MEIOB: variants seen among roughly 807,000 people sequenced by gnomAD.
MEIOB encodes the protein meiosis-specific with OB domain-containing protein.
Under a neutral mutation model 53.1 loss-of-function variants are expected in MEIOB, and 50 were observed. The ratio of observed to expected loss-of-function variants is 0.94; its 90% CI spans 0.75 to 1.19. MEIOB has a LOEUF of 1.19. MEIOB is among the 50% of genes most tolerant of loss of function. MEIOB has a pLI of 0.00. For synonymous variants in MEIOB, 192 were observed against 182.5 expected, an observed-to-expected ratio of 1.05 and a Z score of -0.42; for missense variants, 551 against 550.8, an observed-to-expected ratio of 1.00 and a Z score of 0.00.
chr16:1,858,495 C>T (rs1007910370), intron 5 of MEIOB, among the ~76,000 whole-genome samples: 1 of 152,244 alleles, frequency 6.6e-6, no homozygotes, highest in South Asian at 2.1e-4. Context: ...GCCTCACTTA[C>T]CTACCTCATC....
rs1195402172 is a variant in MEIOB, at chr16:1,862,024, T to C, written c.220A>G (p.Ile74Val). 10 of 1,551,532 alleles carry C rather than the reference T, an allele frequency of 6.4e-6. No homozygotes were observed. In the South Asian group the frequency reaches 7.1e-5, roughly 11 times the overall value. The stretch of plus-strand genomic sequence containing the variant: ...CTAAAGCTGTCAGAAAGAGACTTGA[T>C]GTAATCTTCATTGCCCCAGGAAGCT... ...NAASWGNEDY[I>V]KSLSDSFRVG... Residue 74 changes from isoleucine to valine, a missense_variant, in exon 4 of 14, where the codon ATC (isoleucine) becomes GTC (valine). Transcript: ENST00000325962.
chr16:1,860,428 CTTCTCT>C lies in MEIOB; in HGVS notation c.301_306del (p.Arg101_Glu102del). The C allele has an allele frequency of 6.5e-7, 1 of 1,546,674 alleles. No individual in the cohort carries two copies. Among genetic ancestry groups the C allele is most frequent in the South Asian group, 1.2e-5 (1 of 83,948 alleles). ...CTAGGAGTTGCAGGGCTGAATTTTTCTTCTCTTTCTATTTCCTTTCTTTGGATCAGA... is the reference window on the plus strand; with the variant it reads ...CTAGGAGTTGCAGGGCTGAATTTTTCTTCTATTTCCTTTCTTTGGATCAGA... On this transcript the variant is annotated inframe_deletion, in exon 5 of 14. Coordinates refer to ENST00000325962, the MANE Select transcript of MEIOB (RefSeq NM_001163560.3).
At chr16:1,842,263 A>G (rs1162023275) in intron 10 of MEIOB, among the ~76,000 whole-genome samples, 1 of 152,042 alleles carries the variant, frequency 6.6e-6, no homozygotes, top group Non-Finnish European at 1.5e-5. Context: ...GCAGTCTACA[A>G]TGAGATAAAG....
At chr16:1,859,445 G>A (rs978390774) in intron 5 of MEIOB, among the ~76,000 whole-genome samples, 1 of 152,170 alleles carries the variant, frequency 6.6e-6, no homozygotes, top group African/African-American at 2.4e-5. Flanking sequence ...GGAGGCTGAG[G>A]TGGGAGAATG....
intron 9 of MEIOB, among the ~76,000 whole-genome samples, chr16:1,850,609 T>A (rs1360951625): frequency 4.0e-5 from 6 of 148,306 alleles, no homozygotes; most frequent in Non-Finnish European, 6.0e-5. Context: ...TTTTTATTAA[T>A]AAGTTATTTC....
chr16:1,856,541 G>A (rs1178946495), intron 6 of MEIOB, among the ~76,000 whole-genome samples: 28 of 152,126 alleles, frequency 1.8e-4, no homozygotes, highest in Admixed American at 1.8e-3. Context: ...GGATGGTCTC[G>A]ATCTCCTGAC....
chr16:1,834,340 A>G lies in MEIOB; in HGVS notation c.1332T>C (p.Ser444=), dbSNP rs770471538. Residue 444 remains serine (S), a synonymous_variant, in exon 14 of 14, where the codon AGT becomes AGC. Coordinates refer to ENST00000325962, the MANE Select transcript of MEIOB (RefSeq NM_001163560.3). ...LKFVLSHRAR[S]GLKISVLSCK... Reference sequence around the variant, plus strand: ...ACGAGAGTACACTAATTTTCAATCCACTCCTTGCTCTGTGTGATAGAACGA... The same window carrying G: ...ACGAGAGTACACTAATTTTCAATCCGCTCCTTGCTCTGTGTGATAGAACGA... 1 of 1,610,892 alleles carries G rather than the reference A, an allele frequency of 6.2e-7. No individual in the cohort carries two copies. Among genetic ancestry groups the G allele is most frequent in the East Asian group, 2.2e-5 (1 of 44,848 alleles).
At chr16:1,845,569 GAA>G (rs901107738) in intron 9 of MEIOB, among the ~76,000 whole-genome samples, 12 of 151,904 alleles carry the variant, frequency 7.9e-5, no homozygotes, top group Non-Finnish European at 1.5e-5. Context: ...GAATATATAC[GAA>G]AAAATGATTC....
chr16:1,845,257 C>T (rs188724972), intron 9 of MEIOB, among the ~76,000 whole-genome samples: 22 of 152,298 alleles, frequency 1.4e-4, no homozygotes, highest in Admixed American at 8.5e-4. Flanking sequence ...CAGTGGCTCA[C>T]GCCTGTAATC....
At chr16:1,844,233 C>T (rs1259262635) in intron 10 of MEIOB, among the ~76,000 whole-genome samples, 1 of 151,384 alleles carries the variant, frequency 6.6e-6, no homozygotes, top group African/African-American at 2.4e-5. Flanking sequence ...AGCAATTCTC[C>T]TGCCTCAGCC....
intron 9 of MEIOB, among the ~76,000 whole-genome samples, chr16:1,851,319 C>A (rs1161423985): frequency 6.6e-6 from 1 of 152,222 alleles, no homozygotes; most frequent in African/African-American, 2.4e-5. Flanking sequence ...TTAGCCTCCT[C>A]ATCAAGTCTT....
Position 1,865,798 on chromosome 16 carries a change from T to C in MEIOB, c.107A>G (p.Lys36Arg). 1.3e-6 allele frequency: 2 copies of C among 1,548,972 alleles called. No homozygotes were observed. Among genetic ancestry groups the C allele is most frequent in the Non-Finnish European group, 1.7e-6 (2 of 1,146,308 alleles). Residue 36 changes from lysine (K) to arginine (R), a missense_variant, in exon 3 of 14, where the codon AAA becomes AGA. Transcript: ENST00000325962. Reference sequence around the variant, plus strand: ...TCAGCTTTTTCTGTCTGGAAAGCCTTTGACATCTGTTTTCCCAATAACTAT... The same window carrying C: ...TCAGCTTTTTCTGTCTGGAAAGCCTCTGACATCTGTTTTCCCAATAACTAT... ...IGIVIGKTDV[K>R]GFPDRKNIGS... is the part of the protein sequence containing the mutation.
chr16:1,840,610 G>C (rs1037830461), intron 11 of MEIOB, among the ~76,000 whole-genome samples: 2 of 151,276 alleles, frequency 1.3e-5, no homozygotes, highest in South Asian at 4.2e-4. Flanking sequence ...GTGCAGTGGC[G>C]CAATCTCGGC....
chr16:1,854,573 A>G (rs1253106390), intron 6 of MEIOB, among the ~76,000 whole-genome samples: 1 of 152,192 alleles, frequency 6.6e-6, no homozygotes, highest in Non-Finnish European at 1.5e-5. Context: ...CGTGGAACTC[A>G]TGTGACTGAA....
At position 1,834,341 on chromosome 16, in the gene MEIOB, C is replaced by T. The variant is rs1442206879; in HGVS notation, c.1331G>A (p.Ser444Asn). Residue 444 changes from serine (S) to asparagine (N), a missense_variant, in exon 14 of 14, where the codon AGT (serine) becomes AAT (asparagine). Physicochemically the swap from Ser to Asn is conservative, Grantham distance 46. Coordinates refer to ENST00000325962, the MANE Select transcript of MEIOB (RefSeq NM_001163560.3). ...CGAGAGTACACTAATTTTCAATCCA[C>T]TCCTTGCTCTGTGTGATAGAACGAA... ...LKFVLSHRAR[S>N]GLKISVLSCK... 5.6e-6 allele frequency: 9 copies of T among 1,610,508 alleles called. No homozygotes were observed. Among genetic ancestry groups the T allele is most frequent in the Non-Finnish European group, 7.6e-6 (9 of 1,177,186 alleles).
chr16:1,858,019 T>A (rs549555081), intron 5 of MEIOB, 89 bp from the exon 6 acceptor site: 4 of 820,842 alleles, frequency 4.9e-6, no homozygotes, highest in Non-Finnish European at 5.6e-6. Context: ...ACATTTTTCA[T>A]TGAAATTTAG....
intron 3 of MEIOB, among the ~76,000 whole-genome samples, chr16:1,864,487 CTTT>C (rs1475030667): frequency 8.8e-6 from 1 of 113,298 alleles, no homozygotes. Flanking sequence ...TTTTTCTTTT[CTTT>C]TTTTTTTTTT....
At chr16:1,870,220 G>A (rs1899706037) in intron 1 of MEIOB, among the ~76,000 whole-genome samples, 1 of 152,186 alleles carries the variant, frequency 6.6e-6, no homozygotes, top group African/African-American at 2.4e-5. Flanking sequence ...AAAACTACAT[G>A]AGGGCAGAGG....
intron 10 of MEIOB, among the ~76,000 whole-genome samples, chr16:1,844,424 A>C (rs1898983343): frequency 4.0e-5 from 6 of 151,504 alleles, no homozygotes; most frequent in Admixed American, 3.9e-4. Flanking sequence ...ACACCTGGCC[A>C]AGCATTCTGT....
Sources: allele counts gnomAD v4.1 joint callset (sites outside exome capture counted in the v4.1 genomes callset), GRCh38; gene constraint gnomAD v4.1.1; transcripts MANE v1.5; gene names NCBI Gene and HGNC (gene_info 2026-07-23, HGNC 2026-07-21).